Variants in ITGA9 observed in about 807,000 individuals in gnomAD.
ITGA9 encodes the protein integrin alpha-9.
ITGA9 carries 56 observed loss-of-function variants against 127.8 expected under a neutral mutation model. The observed-to-expected ratio is 0.44, with a 90% CI of 0.35 to 0.55. The LOEUF (loss-of-function observed/expected upper bound fraction) is 0.55. Ranked by LOEUF, ITGA9 falls within the 20% of genes least tolerant of loss-of-function variation. The pLI is 0.00. For missense variants in ITGA9, 1,196 were observed against 1,347.1 expected, an observed-to-expected ratio of 0.89 and a Z score of 1.76; for synonymous variants, 508 against 514.5, an observed-to-expected ratio of 0.99 and a Z score of 0.17.
chr3:37,816,639 A>T (rs1697436575), intron 27 of ITGA9, among the ~76,000 whole-genome samples: 2 of 152,174 alleles, frequency 1.3e-5, no homozygotes, highest in Admixed American at 6.5e-5. Flanking sequence ...TATCCAGAAA[A>T]TTCTGGCCAA....
chr3:37,561,016 A>G (rs1699482076), intron 15 of ITGA9, among the ~76,000 whole-genome samples: 1 of 151,916 alleles, frequency 6.6e-6, no homozygotes, highest in African/African-American at 2.4e-5. Flanking sequence ...CTCCTATTCT[A>G]AGGACTCCGG....
In ITGA9 at chr3:37,487,325, G is replaced by A. The variant is rs1046095976; in HGVS notation, c.544+5718G>A. Among the ~76,000 whole-genome samples, 21 of 152,186 alleles carry A rather than the reference G, an allele frequency of 1.4e-4. 1 individual carries two copies. Among genetic ancestry groups the A allele is most frequent in the African/African-American group, 5.1e-4 (21 of 41,456 alleles). On this transcript the variant is annotated intron_variant, in intron 4 of 27. Coordinates refer to ENST00000264741, the MANE Select transcript of ITGA9 (RefSeq NM_002207.3). Reference sequence around the variant, plus strand: ...GAGAGGGATTCTGAGGGGGAGGAAGGGAGGGAGGCCCCAGAGGACAGCCAT... The same window carrying A: ...GAGAGGGATTCTGAGGGGGAGGAAGAGAGGGAGGCCCCAGAGGACAGCCAT...
At chr3:37,787,860 G>A (rs1382958543) in intron 26 of ITGA9, among the ~76,000 whole-genome samples, 1 of 152,186 alleles carries the variant, frequency 6.6e-6, no homozygotes, top group Non-Finnish European at 1.5e-5. Flanking sequence ...ATTTGGTATC[G>A]AGTGGGGGAG....
intron 1 of ITGA9, among the ~76,000 whole-genome samples, chr3:37,470,023 C>T (rs996620942): frequency 1.3e-5 from 2 of 152,076 alleles, no homozygotes; most frequent in African/African-American, 4.8e-5. Context: ...TCTTGAACTC[C>T]TAAGCTCAGG....
At chr3:37,618,373 C>T (rs1477414429) in intron 15 of ITGA9, among the ~76,000 whole-genome samples, 4 of 152,260 alleles carry the variant, frequency 2.6e-5, no homozygotes, top group African/African-American at 7.2e-5. Flanking sequence ...TCTGCCCCTA[C>T]TCGGGGATGC....
At chr3:37,688,763 A>G (rs956724801) in intron 18 of ITGA9, among the ~76,000 whole-genome samples, 1 of 152,194 alleles carries the variant, frequency 6.6e-6, no homozygotes, top group Non-Finnish European at 1.5e-5. Context: ...GCCCGTGTGC[A>G]GGCTCCTCAC....
intron 16 of ITGA9, among the ~76,000 whole-genome samples, chr3:37,644,644 G>A (rs1700361067): frequency 6.6e-6 from 1 of 152,158 alleles, no homozygotes; most frequent in African/African-American, 2.4e-5. Flanking sequence ...CAGAGCCATG[G>A]AGTAAAAAAA....
At chr3:37,722,100 C>T (rs1701196572) in intron 18 of ITGA9, among the ~76,000 whole-genome samples, 1 of 151,916 alleles carries the variant, frequency 6.6e-6, no homozygotes, top group South Asian at 2.1e-4. Context: ...GTTTCTGGAA[C>T]TCACCATGCC....
At chr3:37,775,716 A>G (rs1696899016) in intron 23 of ITGA9, among the ~76,000 whole-genome samples, 1 of 152,126 alleles carries the variant, frequency 6.6e-6, no homozygotes, top group African/African-American at 2.4e-5. Context: ...GAGAATGCTT[A>G]TACACTGTTG....
chr3:37,584,169 G>C lies in ITGA9; in HGVS notation c.1689+41584G>C, dbSNP rs569716219. Reference sequence around the variant, plus strand: ...GGACAGTTCTGCTGCAGGTCTGCACGTTGGCTGGGGAAGCTGTTCTCCATG... The same window carrying C: ...GGACAGTTCTGCTGCAGGTCTGCACCTTGGCTGGGGAAGCTGTTCTCCATG... On this transcript the variant is annotated intron_variant, in intron 15 of 27. Coordinates refer to ENST00000264741, the MANE Select transcript of ITGA9 (RefSeq NM_002207.3). Among the ~76,000 whole-genome samples the C allele has an allele frequency of 1.2e-4, 19 of 152,342 alleles. No homozygotes were observed. The South Asian group carries it at 3.7e-3, about 30-fold the overall frequency.
At chr3:37,526,881 T>C (rs1207178828) in intron 13 of ITGA9, among the ~76,000 whole-genome samples, 1 of 152,242 alleles carries the variant, frequency 6.6e-6, no homozygotes, top group Non-Finnish European at 1.5e-5. Flanking sequence ...TGGTCTCCAC[T>C]GCAGGGCTAC....
At chr3:37,779,608 T>TA (rs370591960) in intron 24 of ITGA9, among the ~76,000 whole-genome samples, 181 of 147,102 alleles carry the variant, frequency 1.2e-3, no homozygotes, top group African/African-American at 3.2e-3. Context: ...TTTGTGGGTT[T>TA]AAAAAAAAAA....
intron 23 of ITGA9, among the ~76,000 whole-genome samples, chr3:37,772,991 G>A (rs1046799668): frequency 6.6e-6 from 1 of 152,220 alleles, no homozygotes; most frequent in African/African-American, 2.4e-5. Flanking sequence ...TGCCCCTTGG[G>A]GTTGACACTG....
At chr3:37,455,120 G>A (rs765059713) in intron 1 of ITGA9, among the ~76,000 whole-genome samples, 14 of 152,192 alleles carry the variant, frequency 9.2e-5, no homozygotes, top group Admixed American at 5.2e-4. Context: ...TCTGTCCTAA[G>A]TCTGTACCTT....
At chr3:37,798,028 T>A (rs192024774) in intron 26 of ITGA9, among the ~76,000 whole-genome samples, 1 of 152,316 alleles carries the variant, frequency 6.6e-6, no homozygotes, top group African/African-American at 2.4e-5. Context: ...TCTTGCTCTG[T>A]CACCCAGGCT....
chr3:37,818,706 C>T (rs1244639816), intron 27 of ITGA9, 185 bp from the exon 28 acceptor site: 4 of 639,370 alleles, frequency 6.3e-6, no homozygotes, highest in Non-Finnish European at 8.5e-6. Flanking sequence ...GAAGTCCATG[C>T]ATTTTGAAAA....
chr3:37,473,547 A>C, intron 3 of ITGA9, 87 bp downstream of exon 3: 1 of 915,618 alleles, frequency 1.1e-6, no homozygotes, highest in Non-Finnish European at 1.7e-6. Context: ...CATGGTGACA[A>C]GTGCATGGCT....
At chr3:37,583,815 C>T (rs1224522722) in intron 15 of ITGA9, among the ~76,000 whole-genome samples, 1 of 152,192 alleles carries the variant, frequency 6.6e-6, no homozygotes, top group Admixed American at 6.5e-5. Flanking sequence ...ACAAATCAAG[C>T]ATCCATTCCT....
chr3:37,701,199 A>G (rs902695584), intron 18 of ITGA9, among the ~76,000 whole-genome samples: 7 of 152,190 alleles, frequency 4.6e-5, no homozygotes, highest in African/African-American at 1.7e-4. Flanking sequence ...CAGGCCCTTG[A>G]TAGGGCTGGA....
Sources: gnomAD v4.1 joint callset for allele counts (sites outside exome capture counted in the v4.1 genomes callset) on GRCh38, gnomAD v4.1.1 for gene constraint, MANE v1.5 for transcripts, NCBI Gene and HGNC (gene_info 2026-07-23, HGNC 2026-07-21) for gene names.